The following RYR3 variants were observed in gnomAD, a reference collection of about 807,000 sequenced individuals.
The protein encoded by RYR3 is brain ryanodine receptor-calcium release channel.
In RYR3, 207 loss-of-function variants were observed where a neutral mutation model predicts 584.3. The observed-to-expected ratio is 0.35, with a 90% CI of 0.32 to 0.40. The LOEUF is 0.40. RYR3 is among the 10% of genes least tolerant of loss of function. The pLI is 1.00. For synonymous variants in RYR3, 2,416 were observed against 2,248.5 expected, an observed-to-expected ratio of 1.07 and a Z score of -2.11; for missense variants, 5,616 against 6,089.2, an observed-to-expected ratio of 0.92 and a Z score of 2.59.
intron 14 of RYR3, among the ~76,000 whole-genome samples, chr15:33,582,997 G>A (rs1567593036): frequency 1.3e-5 from 2 of 152,132 alleles, no homozygotes; most frequent in Non-Finnish European, 2.9e-5. Flanking sequence ...AGGTTATTTG[G>A]TGTAGATTGG....
At chr15:33,693,873 CA>C (rs766246311) in intron 38 of RYR3, among the ~76,000 whole-genome samples, 159 of 152,262 alleles carry the variant, frequency 1.0e-3, no homozygotes, top group Non-Finnish European at 5.6e-4. Context: ...AGTCCAATGG[CA>C]AGTCTGGATG....
intron 59 of RYR3, among the ~76,000 whole-genome samples, chr15:33,757,045 G>A (rs377603401): frequency 6.6e-6 from 1 of 152,298 alleles, no homozygotes; most frequent in East Asian, 1.9e-4. Context: ...GCTCAAGTTA[G>A]CAGTCTCTTC....
intron 38 of RYR3, among the ~76,000 whole-genome samples, chr15:33,678,732 T>C (rs1476754808): frequency 1.3e-5 from 2 of 152,224 alleles, no homozygotes; most frequent in Non-Finnish European, 2.9e-5. Flanking sequence ...GCCAGCCCTA[T>C]ACCATCACGC....
intron 89 of RYR3, among the ~76,000 whole-genome samples, chr15:33,839,253 A>G (rs191268318): frequency 4.6e-5 from 7 of 152,340 alleles, no homozygotes; most frequent in Admixed American, 2.6e-4. Context: ...GTTAGTTCTC[A>G]TGCTGTGCAG....
rs573594983 is a variant in RYR3 at position 33,567,718 on chromosome 15, G to A, written c.1268+919G>A. ...ATTCTTAAAGTTCATCCCTGGACCA[G>A]AGCATCAGCATCACTTGCAAACTTG... On this transcript the variant is annotated intron_variant, in intron 12 of 103. Coordinates refer to ENST00000634891, the MANE Select transcript of RYR3 (RefSeq NM_001036.6). Among the ~76,000 whole-genome samples, 6 of 152,144 alleles carry A rather than the reference G, an allele frequency of 3.9e-5. No individual in the cohort carries two copies. The South Asian group carries it at 1.0e-3, about 26-fold the overall frequency.
rs538149126 is a variant in RYR3, at chr15:33,771,362, C to T, written c.8817-558C>T. Among the ~76,000 whole-genome samples the T allele has an allele frequency of 4.8e-3, 737 of 152,122 alleles. 3 individuals are homozygous for T. Among genetic ancestry groups the T allele is most frequent in the African/African-American group, 0.017 (702 of 41,502 alleles). On this transcript the variant is annotated intron_variant, in intron 62 of 103. Transcript: ENST00000634891. ...CATCCTGGCCAACATGGTGAAACCCCGTCTCTACTAAAAATACAAAAATTA... is the reference window on the plus strand; with the variant it reads ...CATCCTGGCCAACATGGTGAAACCCTGTCTCTACTAAAAATACAAAAATTA...
At chr15:33,399,376 T>C (rs1322176361) in intron 1 of RYR3, among the ~76,000 whole-genome samples, 1 of 152,130 alleles carries the variant, frequency 6.6e-6, no homozygotes, top group African/African-American at 2.4e-5. Context: ...CAGTGGCTCG[T>C]GCCTGTACAA....
chr15:33,494,242 CGTTTTTCTTAAGTAAATAT>C (rs2051225942), intron 2 of RYR3, among the ~76,000 whole-genome samples: 1 of 152,094 alleles, frequency 6.6e-6, no homozygotes, highest in South Asian at 2.1e-4. Flanking sequence ...CTTCAGCAAG[CGTTTTTCTTAAGTAAATAT>C]TTAAGCTTTC....
chr15:33,496,007 G>T (rs17817212), intron 2 of RYR3, among the ~76,000 whole-genome samples: 9 of 152,114 alleles, frequency 5.9e-5, no homozygotes, highest in Admixed American at 3.9e-4. Context: ...TACACACACC[G>T]TCTCCACCTA....
intron 2 of RYR3, among the ~76,000 whole-genome samples, chr15:33,492,830 G>A (rs1477388786): frequency 2.0e-5 from 3 of 152,024 alleles, no homozygotes; most frequent in African/African-American, 4.8e-5. Flanking sequence ...TCTCGTGGGC[G>A]CTTAACAATG....
At chr15:33,399,081 C>G (rs1448165293) in intron 1 of RYR3, among the ~76,000 whole-genome samples, 1 of 152,082 alleles carries the variant, frequency 6.6e-6, no homozygotes. Context: ...GCAGAGACAC[C>G]ATGGTAAAGA....
At chr15:33,454,707 G>A (rs930640152) in intron 1 of RYR3, among the ~76,000 whole-genome samples, 1 of 152,152 alleles carries the variant, frequency 6.6e-6, no homozygotes, top group African/African-American at 2.4e-5. Context: ...AGAAAATGAG[G>A]AGTGTGATAG....
chr15:33,724,203 GC>G, intron 45 of RYR3, 27 bp downstream of exon 45: 1 of 1,288,594 alleles, frequency 7.8e-7, no homozygotes. Flanking sequence ...CCAGAGAACA[GC>G]TTTGAGAAAC....
chr15:33,746,306 G>A, intron 53 of RYR3, 149 bp downstream of exon 53: 1 of 655,406 alleles, frequency 1.5e-6, no homozygotes, highest in Non-Finnish European at 2.7e-6. Flanking sequence ...CTTGCCAGTG[G>A]GCAAGTGCCT....
At chr15:33,738,364 C>T in intron 49 of RYR3, 86 bp from the exon 50 acceptor site, 1 of 1,346,272 alleles carries the variant, frequency 7.4e-7, no homozygotes, top group Non-Finnish European at 1.0e-6. Context: ...TCTCTGCTTA[C>T]TACTTGATTC....
chr15:33,402,112 A>T (rs959105775), intron 1 of RYR3, among the ~76,000 whole-genome samples: 2 of 152,212 alleles, frequency 1.3e-5, no homozygotes, highest in South Asian at 2.1e-4. Context: ...TTTGGGGGAA[A>T]GGAAATAGAA....
rs368231214 is a variant in RYR3, at chr15:33,780,290, C to G, written c.9217C>G (p.Arg3073Gly). Residue 3073 changes from arginine (R) to glycine (G), a missense_variant, in exon 65 of 104, where the codon CGC (arginine) becomes GGC (glycine). Physicochemically the swap from Arg to Gly is moderately radical, Grantham distance 125. Transcript: ENST00000634891. ...PVAFLEPTLN[R>G]YNPLSVFNTK... ...GGCATTCCTGGAGCCCACCCTTAAT[C>G]GCTACAATCCACTCTCGGTCTTCAA... 3.1e-6 allele frequency: 5 copies of G among 1,613,792 alleles called. No homozygotes were observed. In the African/African-American group the frequency reaches 6.7e-5, roughly 22 times the overall value.
rs560814484 is a variant in RYR3, at chr15:33,662,337, C to A, written c.4807C>A (p.Arg1603=). 6.2e-6 allele frequency: 10 copies of A among 1,612,300 alleles called. No individual in the cohort carries two copies. Among genetic ancestry groups the A allele is most frequent in the African/African-American group, 2.7e-5 (2 of 75,038 alleles). The part of the protein sequence containing the change: ...IDNKYLPGLL[R]SGFYDLLISI... ...CAACAAGTACCTCCCCGGCCTCCTT[C>A]GATCTGGTTTCTATGACCTGCTCAT... Residue 1603 remains arginine, a synonymous_variant, in exon 35 of 104, where the codon CGA becomes AGA. Coordinates refer to ENST00000634891, the MANE Select transcript of RYR3 (RefSeq NM_001036.6).
At chr15:33,350,047 A>G (rs1410793850) in intron 1 of RYR3, among the ~76,000 whole-genome samples, 1 of 151,976 alleles carries the variant, frequency 6.6e-6, no homozygotes, top group Non-Finnish European at 1.5e-5. Flanking sequence ...TAGTGCTGCA[A>G]TAAACATACG....
Sources: gnomAD v4.1 joint callset for allele counts (sites outside exome capture counted in the v4.1 genomes callset) on GRCh38, gnomAD v4.1.1 for gene constraint, MANE v1.5 for transcripts, NCBI Gene and HGNC (gene_info 2026-07-23, HGNC 2026-07-21) for gene names.